PPP2R2B: variants seen among roughly 807,000 people sequenced by gnomAD.
PPP2R2B encodes serine/threonine-protein phosphatase 2A 55 kDa regulatory subunit B beta isoform.
PPP2R2B carries 5 observed loss-of-function variants against 46.0 expected under a neutral mutation model. That is an observed-to-expected ratio of 0.11 (90% confidence interval 0.06 to 0.23). The LOEUF (loss-of-function observed/expected upper bound fraction) is 0.23. Among genes scored for constraint, PPP2R2B ranks in the 10% least tolerant of loss-of-function variants. The pLI, the probability that PPP2R2B is intolerant of heterozygous loss-of-function variation, is 1.00. For missense variants in PPP2R2B, 367 were observed against 575.0 expected (o/e 0.64, Z 3.70); for synonymous variants, 215 against 206.7 (o/e 1.04, Z -0.34).
At chr5:147,055,830 A>G in exon 1 of PPP2R2B, 1 of 1,527,822 alleles carries the variant, frequency 6.5e-7, no homozygotes, top group Non-Finnish European at 8.8e-7. Context: ...TGGCTACATC[A>G]CCAATATGTT....
chr5:146,827,592 T>C (rs140409828), intron 2 of PPP2R2B, among the ~76,000 whole-genome samples: 130 of 152,316 alleles, frequency 8.5e-4, no homozygotes, highest in African/African-American at 2.8e-3. Flanking sequence ...ATGTTAGGGA[T>C]AGAGAAGTGA....
intron 1 of PPP2R2B, among the ~76,000 whole-genome samples, chr5:146,891,731 G>T (rs1582371513): frequency 6.6e-6 from 1 of 152,274 alleles, no homozygotes; most frequent in East Asian, 1.9e-4. Context: ...TAACCACAAT[G>T]TAAAAATGTA....
chr5:146,937,316 G>T (rs1449966924), intron 1 of PPP2R2B, among the ~76,000 whole-genome samples: 1 of 150,482 alleles, frequency 6.6e-6, no homozygotes, highest in African/African-American at 2.4e-5. Flanking sequence ...AAAAAAAAAA[G>T]GGGGGTTACT....
chr5:146,944,791 A>G (rs913995013), intron 1 of PPP2R2B, among the ~76,000 whole-genome samples: 2 of 152,150 alleles, frequency 1.3e-5, no homozygotes, highest in African/African-American at 4.8e-5. Flanking sequence ...TATTAAAGGT[A>G]AAGAAATACT....
At chr5:146,701,598 G>T (rs572789172) in intron 2 of PPP2R2B, among the ~76,000 whole-genome samples, 1 of 152,256 alleles carries the variant, frequency 6.6e-6, no homozygotes, top group Middle Eastern at 3.4e-3. Flanking sequence ...CTTAGACATG[G>T]AAAATGGAGG....
Position 146,701,037 on chromosome 5 carries a change from C to T in PPP2R2B, c.168+8G>A, listed in dbSNP as rs1779504141. 3 of 1,603,432 alleles carry T rather than the reference C, an allele frequency of 1.9e-6. No homozygotes were observed. Among genetic ancestry groups the T allele is most frequent in the South Asian group, 2.2e-5 (2 of 90,848 alleles). Reference sequence around the variant, plus strand: ...GAAAATGGGCATTTTGCATTCACCACCACTTACCTCCTGCTCTCGTTGAAA... The same window carrying T: ...GAAAATGGGCATTTTGCATTCACCATCACTTACCTCCTGCTCTCGTTGAAA... On this transcript the variant is annotated splice_region_variant and intron_variant, in intron 3 of 9. Transcript: ENST00000394411.
chr5:146,968,647 T>A (rs1314638826), intron 1 of PPP2R2B, among the ~76,000 whole-genome samples: 2 of 152,244 alleles, frequency 1.3e-5, no homozygotes, highest in Non-Finnish European at 2.9e-5. Flanking sequence ...TGACACGCTT[T>A]AAAGTTTAAT....
chr5:147,016,327 T>A (rs1237389348), intron 1 of PPP2R2B, among the ~76,000 whole-genome samples: 1 of 150,958 alleles, frequency 6.6e-6, no homozygotes, highest in Non-Finnish European at 1.5e-5. Flanking sequence ...ACAGTAAGAC[T>A]CTGTCTCAAA....
At chr5:146,634,457 C>G (rs1226944030) in intron 7 of PPP2R2B, among the ~76,000 whole-genome samples, 1 of 152,158 alleles carries the variant, frequency 6.6e-6, no homozygotes, top group Admixed American at 6.5e-5. Context: ...GCCTCAGCCT[C>G]CTGAGTAACT....
intron 1 of PPP2R2B, among the ~76,000 whole-genome samples, chr5:147,007,955 C>T (rs961267666): frequency 8.5e-5 from 13 of 152,146 alleles, no homozygotes; most frequent in African/African-American, 1.2e-4. Flanking sequence ...GAACCAATTC[C>T]GGACACAATA....
chr5:146,907,289 T>C (rs1763031414), intron 1 of PPP2R2B, among the ~76,000 whole-genome samples: 1 of 152,188 alleles, frequency 6.6e-6, no homozygotes, highest in South Asian at 2.1e-4. Context: ...TGGGGGATTA[T>C]TACAACTACG....
intron 2 of PPP2R2B, among the ~76,000 whole-genome samples, chr5:146,770,556 A>AG (rs1368913147): frequency 1.3e-5 from 2 of 152,210 alleles, no homozygotes; most frequent in African/African-American, 4.8e-5. Flanking sequence ...ACTAGGTGTT[A>AG]TGATAACAGG....
chr5:146,584,911 A>G lies in PPP2R2B; in HGVS notation c.*5036T>C, dbSNP rs1016860659. The G allele has an allele frequency of 7.2e-5, 11 of 152,184 alleles. No homozygotes were observed. The highest frequency in any genetic ancestry group is 4.1e-4 in the South Asian group (2 of 4,826). The allele number at this position is 152,184 out of a possible 1,614,324, so 9.4% of individuals were successfully genotyped here. ...TTGGTCTACCTATTGGAAACGCTGT[A>G]TCATGCTTTGTTGAGCAAATTTAGT... On this transcript the variant is annotated 3_prime_UTR_variant, in exon 10 of 10. Coordinates refer to ENST00000394411, the MANE Select transcript of PPP2R2B (RefSeq NM_181675.4).
intron 5 of PPP2R2B, among the ~76,000 whole-genome samples, chr5:146,676,406 C>T (rs962208891): frequency 1.3e-5 from 2 of 152,182 alleles, no homozygotes; most frequent in Non-Finnish European, 2.9e-5. Flanking sequence ...ATCCCCTGCA[C>T]TCAGCTTCAG....
Position 146,698,012 on chromosome 5 carries a change from G to C in PPP2R2B, c.301C>G (p.Gln101Glu). The C allele has an allele frequency of 6.2e-7, 1 of 1,613,138 alleles. No individual in the cohort carries two copies. Among genetic ancestry groups the C allele is most frequent in the Non-Finnish European group, 8.5e-7 (1 of 1,179,608 alleles). Residue 101 changes from glutamine (Q) to glutamate (E), a missense_variant, in exon 4 of 10, where the codon CAG becomes GAG. Gln to Glu is a conservative substitution (Grantham distance 29). Transcript: ENST00000394411. Reference protein sequence around the residue: ...KINKIRWLPQQNAAYFLLSTN... With the variant: ...KINKIRWLPQENAAYFLLSTN... Reference sequence around the variant, plus strand: ...GACAGAAGAAAGTAAGCTGCATTCTGCTGGGGGAGCCATCTTATTTTATTG... The same window carrying C: ...GACAGAAGAAAGTAAGCTGCATTCTCCTGGGGGAGCCATCTTATTTTATTG...
chr5:147,054,889 A>T (rs1336491251), intron 1 of PPP2R2B, among the ~76,000 whole-genome samples: 1 of 152,218 alleles, frequency 6.6e-6, no homozygotes, highest in Non-Finnish European at 1.5e-5. Context: ...CAGGCACATC[A>T]CATATAGAAG....
At chr5:146,789,109 T>C (rs1204561680) in intron 2 of PPP2R2B, among the ~76,000 whole-genome samples, 4 of 152,176 alleles carry the variant, frequency 2.6e-5, no homozygotes, top group Non-Finnish European at 5.9e-5. Flanking sequence ...GTGGCCACTG[T>C]TGAGATCACT....
At chr5:146,963,537 G>C (rs766790640) in intron 1 of PPP2R2B, among the ~76,000 whole-genome samples, 3 of 152,138 alleles carry the variant, frequency 2.0e-5, no homozygotes, top group Non-Finnish European at 2.9e-5. Context: ...AACATATTGT[G>C]TTAGTTGAGC....
In PPP2R2B at chr5:146,973,022, GTTTA is replaced by G. The variant is rs556391962; in HGVS notation, c.79+82639_79+82642del. Among the ~76,000 whole-genome samples the G allele has an allele frequency of 5.0e-3, 767 of 152,004 alleles. 8 individuals are homozygous for G. The highest frequency in any genetic ancestry group is 0.018 in the African/African-American group (747 of 41,480). Reference sequence around the variant, plus strand: ...GTATTAGTTTCTCTTATGAGTTATGGTTTATTTATCACACTTAGAGATATATTAC... The same window carrying G: ...GTATTAGTTTCTCTTATGAGTTATGGTTTATCACACTTAGAGATATATTAC... On this transcript the variant is annotated intron_variant, in intron 1 of 8. Coordinates refer to the PPP2R2B transcript ENST00000336640.
Sources: gnomAD v4.1 joint callset for allele counts (sites outside exome capture counted in the v4.1 genomes callset) on GRCh38, gnomAD v4.1.1 for gene constraint, MANE v1.5 for transcripts, NCBI Gene and HGNC (gene_info 2026-07-23, HGNC 2026-07-21) for gene names.